DGAT2L6: variants seen among roughly 807,000 people sequenced by gnomAD.
DGAT2L6 encodes diacylglycerol O-acyltransferase 2-like protein 6.
In DGAT2L6, 22 loss-of-function variants were observed where a neutral mutation model predicts 25.5. The ratio of observed to expected loss-of-function variants is 0.86; its 90% confidence interval spans 0.62 to 1.23. DGAT2L6 has a LOEUF of 1.23. Ranked by LOEUF, DGAT2L6 falls within the 50% of genes most tolerant of loss-of-function variation. The pLI is 0.00. For synonymous variants in DGAT2L6, 100 were observed against 94.7 expected, an observed-to-expected ratio of 1.06 and a Z score of -0.32; for missense variants, 287 against 253.2, an observed-to-expected ratio of 1.13 and a Z score of -0.91.
chrX:70,185,603 T>C (rs2085357007), intron 1 of DGAT2L6, among the ~76,000 whole-genome samples: 1 of 111,883 alleles, frequency 8.9e-6, no homozygotes, highest in South Asian at 3.7e-4. Flanking sequence ...AAATGGTCAA[T>C]ACATGGTATC....
At chrX:70,184,798 A>AC (rs1376002045) in intron 1 of DGAT2L6, among the ~76,000 whole-genome samples, 3 of 109,735 alleles carry the variant, frequency 2.7e-5, no homozygotes, top group Admixed American at 9.7e-5. Flanking sequence ...ATTCCCACAT[A>AC]CCCCATCACG....
intron 1 of DGAT2L6, among the ~76,000 whole-genome samples, chrX:70,194,978 G>T (rs1268264008): frequency 9.0e-6 from 1 of 111,524 alleles, no homozygotes; most frequent in Non-Finnish European, 1.9e-5. Flanking sequence ...GAAAATATTT[G>T]CAAACCATAT....
intron 5 of DGAT2L6, among the ~76,000 whole-genome samples, chrX:70,202,352 T>G (rs182052013): frequency 8.9e-6 from 1 of 111,976 alleles, no homozygotes; most frequent in Admixed American, 9.4e-5. Flanking sequence ...CTTCACTCTA[T>G]ATCAACCTGT....
chrX:70,184,567 C>T (rs1024988026), intron 1 of DGAT2L6, among the ~76,000 whole-genome samples: 5 of 109,799 alleles, frequency 4.6e-5, no homozygotes, highest in East Asian at 2.9e-4. Context: ...TGGGTTCAAG[C>T]GATCCTCTTG....
At chrX:70,190,720 G>A (rs970430722) in intron 1 of DGAT2L6, among the ~76,000 whole-genome samples, 1 of 112,001 alleles carries the variant, frequency 8.9e-6, no homozygotes, top group African/African-American at 3.2e-5. Flanking sequence ...GCCTTCCCAG[G>A]GGCTTGCTGG....
At chrX:70,202,943 C>T (rs2085415898) in intron 5 of DGAT2L6, among the ~76,000 whole-genome samples, 2 of 111,804 alleles carry the variant, frequency 1.8e-5, no homozygotes, top group South Asian at 3.8e-4. Flanking sequence ...CTTCTCTTCC[C>T]ACTCTCTCAC....
At position 70,201,896 on chromosome X, in the gene DGAT2L6, G is replaced by T; in HGVS notation, c.479G>T (p.Cys160Phe). ...VREYVMSMGVCPVSSSALKYL... is the reference protein window; with the variant it reads ...VREYVMSMGVFPVSSSALKYL... ...TGACTCTTTGGTTTCACAGGTGTGT[G>T]CCCTGTGAGTAGCTCAGCCTTGAAG... is the stretch of plus-strand genomic sequence containing the variant. Residue 160 changes from cysteine (C) to phenylalanine (F), a missense_variant, in exon 5 of 7, where the codon TGC becomes TTC. Physicochemically the swap from Cys to Phe is radical, Grantham distance 205 (BLOSUM62 -2). Transcript: ENST00000333026. The T allele has an allele frequency of 1.7e-6, 2 of 1,188,935 alleles. No homozygotes were observed. Among genetic ancestry groups the T allele is most frequent in the Non-Finnish European group, 2.3e-6 (2 of 885,411 alleles).
intron 1 of DGAT2L6, among the ~76,000 whole-genome samples, chrX:70,179,538 C>A (rs956031469): frequency 1.9e-5 from 2 of 105,276 alleles, no homozygotes; most frequent in African/African-American, 7.1e-5. Context: ...GCCTGTCCCA[C>A]CCAAGAATGC....
At chrX:70,191,379 AAAAG>A (rs757592204) in intron 1 of DGAT2L6, among the ~76,000 whole-genome samples, 6 of 112,134 alleles carry the variant, frequency 5.4e-5, no homozygotes, top group Non-Finnish European at 1.1e-4. Flanking sequence ...ACTGAAAACT[AAAAG>A]AAAGAGTTTC....
chrX:70,204,157 A>G (rs2085420472), intron 5 of DGAT2L6, 148 bp from the exon 6 acceptor site: 6 of 477,993 alleles, frequency 1.3e-5, no homozygotes, highest in East Asian at 3.7e-5. Context: ...AGAGTGAGGC[A>G]TGGCAGGAAT....
In DGAT2L6 at chrX:70,204,388, T is replaced by G. The variant is rs76987053; in HGVS notation, c.731T>G (p.Leu244Trp). The G allele has an allele frequency of 7.8e-5, 94 of 1,209,521 alleles. No homozygotes were observed. The African/African-American group carries it at 1.4e-3, about 18-fold the overall frequency. ...TTCCCTGAGGGCACGTGGTTAAGGT[T>G]GTTCCAAAAAACCTTCCAGGACACA... The part of the protein sequence containing the change: ...ETFPEGTWLR[L>W]FQKTFQDTFK... The change falls in exon 6 of 7, where the codon TTG becomes TGG. Residue 244 changes from leucine to tryptophan, a missense_variant. Leu to Trp is a moderately conservative substitution (Grantham distance 61). Coordinates refer to ENST00000333026, the MANE Select transcript of DGAT2L6 (RefSeq NM_198512.3).
chrX:70,182,572 C>G (rs1332923538), intron 1 of DGAT2L6, among the ~76,000 whole-genome samples: 8 of 103,264 alleles, frequency 7.7e-5, no homozygotes, highest in African/African-American at 2.9e-4. Flanking sequence ...CTCTGCCTCC[C>G]GGGTTCAAGC....
At chrX:70,203,543 A>G (rs946447985) in intron 5 of DGAT2L6, among the ~76,000 whole-genome samples, 27 of 111,795 alleles carry the variant, frequency 2.4e-4, no homozygotes, top group Admixed American at 1.7e-3. Context: ...TGGCATGTCA[A>G]GTGCTATGCC....
Position 70,204,528 on chromosome X carries a change from C to T in DGAT2L6, c.859+12C>T. 1 of 1,206,364 alleles carries T rather than the reference C, an allele frequency of 8.3e-7. No individual in the cohort carries two copies. Among genetic ancestry groups the T allele is most frequent in the Non-Finnish European group, 1.1e-6 (1 of 892,385 alleles). ...CATTACCACTGTTGGTGAGCTTTCC[C>T]TTATCTCCGGATGACCTGTTTCTTC... is the stretch of plus-strand genomic sequence containing the variant. On this transcript the variant is annotated intron_variant, in intron 6 of 6. Coordinates refer to ENST00000333026, the MANE Select transcript of DGAT2L6 (RefSeq NM_198512.3).
chrX:70,200,154 G>T, intron 3 of DGAT2L6, 101 bp from the exon 4 acceptor site: 1 of 832,800 alleles, frequency 1.2e-6, no homozygotes. Context: ...AGGGATTTGG[G>T]GCTCCCAGAG....
In DGAT2L6 at chrX:70,200,266, T is replaced by G; in HGVS notation, c.279T>G (p.Thr93=). ...RNYFPVKLVK[T]HDLSPKHNYI... ...TTTCCCTCTAACAGCTGGTGAAGACTCATGATCTTTCTCCCAAACACAACT... is the reference window on the plus strand; with the variant it reads ...TTTCCCTCTAACAGCTGGTGAAGACGCATGATCTTTCTCCCAAACACAACT... The change falls in exon 4 of 7, where the codon ACT becomes ACG. Residue 93 remains threonine, a synonymous_variant. Transcript: ENST00000333026. The G allele has an allele frequency of 8.3e-7, 1 of 1,210,918 alleles. No individual in the cohort carries two copies. The highest frequency in any genetic ancestry group is 1.1e-6 in the Non-Finnish European group (1 of 894,846).
At position 70,199,354 on chromosome X, in the gene DGAT2L6, A is replaced by G. The variant is rs764508684; in HGVS notation, c.169A>G (p.Thr57Ala). 8.4e-7 allele frequency: 1 copy of G among 1,190,370 alleles called. No individual in the cohort carries two copies. Among genetic ancestry groups the G allele is most frequent in the Admixed American group, 2.3e-5 (1 of 43,134 alleles). Reference sequence around the variant, plus strand: ...GGCTGTGCTCTCCTTAGCCTGGCTCACCTATGATTGGAACACCCACAGTCA... The same window carrying G: ...GGCTGTGCTCTCCTTAGCCTGGCTCGCCTATGATTGGAACACCCACAGTCA... ...PLAVLSLAWL[T>A]YDWNTHSQGG... The change falls in exon 2 of 7, where the codon ACC (threonine) becomes GCC (alanine). Residue 57 changes from threonine to alanine, a missense_variant. Physicochemically the swap from Thr to Ala is moderately conservative, Grantham distance 58. Transcript: ENST00000333026.
In DGAT2L6 at chrX:70,204,556, T is replaced by C. The variant is rs772755762; in HGVS notation, c.859+40T>C. The C allele has an allele frequency of 3.1e-4, 370 of 1,181,700 alleles. 2 individuals carry two copies. In the South Asian group the frequency reaches 6.3e-3, roughly 20 times the overall value. ...ATCTCCGGATGACCTGTTTCTTCATTCACTTCCCACCCACTTTAAATCATC... is the reference window on the plus strand; with the variant it reads ...ATCTCCGGATGACCTGTTTCTTCATCCACTTCCCACCCACTTTAAATCATC... On this transcript the variant is annotated intron_variant, in intron 6 of 6. Transcript: ENST00000333026.
intron 1 of DGAT2L6, among the ~76,000 whole-genome samples, chrX:70,188,552 GA>G (rs1277437510): frequency 9.0e-6 from 1 of 110,764 alleles, no homozygotes; most frequent in Non-Finnish European, 1.9e-5. Context: ...ACATTTTACA[GA>G]AAAAATATCA....
Sources: gnomAD v4.1 joint callset for allele counts (sites outside exome capture counted in the v4.1 genomes callset) on GRCh38, gnomAD v4.1.1 for gene constraint, MANE v1.5 for transcripts, NCBI Gene and HGNC (gene_info 2026-07-23, HGNC 2026-07-21) for gene names.